DDB2: variants seen among roughly 807,000 people sequenced by gnomAD.
DDB2 encodes damage specific DNA binding protein 2.
DDB2 carries 27 observed loss-of-function variants against 50.5 expected under a neutral mutation model. That is an observed-to-expected ratio of 0.53 (90% CI 0.39 to 0.74). The LOEUF (loss-of-function observed/expected upper bound fraction) is 0.74. Ranked by LOEUF, DDB2 falls within the 30% of genes least tolerant of loss-of-function variation. The pLI is 0.00. For synonymous variants in DDB2, 176 were observed against 205.5 expected (o/e 0.86, Z 1.23); for missense variants, 424 against 545.6 (o/e 0.78, Z 2.22).
rs561846496 is a variant in DDB2, at chr11:47,215,123, A to AGAAG, written c.-14_-13insGAAG. On this transcript the variant is annotated 5_prime_UTR_variant, in exon 1 of 10. Coordinates refer to ENST00000256996, the MANE Select transcript of DDB2 (RefSeq NM_000107.3). ...TTCGCATAGAGCACAGTACCCCTTC[A>AGAAG]CACGGAGGACGCGATGGCTCCCAAG... 1.5e-4 allele frequency: 242 copies of AGAAG among 1,613,802 alleles called. No homozygotes were observed. The African/African-American group carries it at 3.0e-3, about 20-fold the overall frequency.
chr11:47,216,512 G>T, intron 2 of DDB2, 40 bp downstream of exon 2: 1 of 1,611,684 alleles, frequency 6.2e-7, no homozygotes, highest in South Asian at 1.1e-5. Flanking sequence ...GGGTTTACAC[G>T]TGCATTTTTA....
At chr11:47,222,914 T>C (rs1953506675) in intron 3 of DDB2, among the ~76,000 whole-genome samples, 1 of 152,352 alleles carries the variant, frequency 6.6e-6, no homozygotes, top group Admixed American at 6.5e-5. Flanking sequence ...CATTCTTTCA[T>C]GTGATCCAGA....
chr11:47,232,709 G>A, intron 3 of DDB2, 105 bp from the exon 4 acceptor site: 6 of 1,249,712 alleles, frequency 4.8e-6, no homozygotes, highest in Admixed American at 1.7e-5. Context: ...GGCCCCAAGC[G>A]CTGCTCGAGG....
intron 3 of DDB2, chr11:47,220,399 T>C (rs913249841): frequency 2.0e-5 from 3 of 152,222 alleles, no homozygotes; most frequent in Non-Finnish European, 2.9e-5. Context: ...GAATTTAGCT[T>C]ATGCCTGGAG....
Position 47,215,026 on chromosome 11 carries a change from C to T in DDB2, c.-111C>T. The T allele has an allele frequency of 3.9e-6, 6 of 1,540,160 alleles. No homozygotes were observed. Among genetic ancestry groups the T allele is most frequent in the African/African-American group, 1.4e-5 (1 of 73,478 alleles). ...GCGGGAAGTTGGCTTAGCTCGGCTA[C>T]CTGTGGCCCCGCAGTTTTGTAGTCC... is the stretch of plus-strand genomic sequence containing the variant. On this transcript the variant is annotated 5_prime_UTR_variant, in exon 1 of 10. Transcript: ENST00000256996.
intron 6 of DDB2, 160 bp from the exon 7 acceptor site, chr11:47,235,110 A>C: frequency 7.5e-7 from 1 of 1,325,314 alleles, no homozygotes; most frequent in South Asian, 1.2e-5. Flanking sequence ...GAGTTTCCAG[A>C]ATTTTTTTGT....
intron 3 of DDB2, among the ~76,000 whole-genome samples, chr11:47,230,132 TAA>T (rs751957606): frequency 2.9e-4 from 32 of 110,754 alleles, no homozygotes; most frequent in Admixed American, 2.9e-4. Flanking sequence ...ACCCTGTCTC[TAA>T]AAAAAAAAAA....
At position 47,238,128 on chromosome 11, in the gene DDB2, G is replaced by A; in HGVS notation, c.1189-10G>A. ...ACCCTCTCCTCATGTTGACACTCTT[G>A]TCTCTGCAGCTTAATGAATTCAATC... is the stretch of plus-strand genomic sequence containing the variant. On this transcript the variant is annotated splice_polypyrimidine_tract_variant and intron_variant, in intron 8 of 9. Coordinates refer to ENST00000256996, the MANE Select transcript of DDB2 (RefSeq NM_000107.3). 6.2e-7 allele frequency: 1 copy of A among 1,612,828 alleles called. No homozygotes were observed. The highest frequency in any genetic ancestry group is 8.5e-7 in the Non-Finnish European group (1 of 1,179,378).
intron 7 of DDB2, among the ~76,000 whole-genome samples, chr11:47,237,066 C>A (rs1953735424): frequency 6.6e-6 from 1 of 152,166 alleles, no homozygotes; most frequent in Admixed American, 6.5e-5. Context: ...GGGTTTCCTT[C>A]TCTTTTTTAG....
intron 1 of DDB2, 51 bp from the exon 2 acceptor site, chr11:47,216,285 A>C: frequency 6.2e-7 from 1 of 1,614,036 alleles, no homozygotes. Flanking sequence ...AATTCAGCAG[A>C]AAAACCTTTC....
chr11:47,218,774 G>T (rs1953436692), intron 3 of DDB2, among the ~76,000 whole-genome samples: 1 of 151,922 alleles, frequency 6.6e-6, no homozygotes, highest in African/African-American at 2.4e-5. Context: ...ATGGTGGTAG[G>T]GTCAGGGGTA....
intron 3 of DDB2, among the ~76,000 whole-genome samples, chr11:47,231,326 T>G (rs1381929786): frequency 6.6e-6 from 1 of 152,056 alleles, no homozygotes; most frequent in Non-Finnish European, 1.5e-5. Context: ...GAGCTGAAGC[T>G]CTTCTAAAGA....
intron 3 of DDB2, among the ~76,000 whole-genome samples, chr11:47,222,237 A>G (rs1228818838): frequency 6.6e-6 from 1 of 152,162 alleles, no homozygotes; most frequent in Non-Finnish European, 1.5e-5. Flanking sequence ...TTCTAGAACT[A>G]TATATAAATA....
intron 1 of DDB2, chr11:47,215,716 C>G (rs553704743): frequency 3.7e-6 from 1 of 267,948 alleles, no homozygotes; most frequent in African/African-American, 2.2e-5. Flanking sequence ...TCGAGACACT[C>G]AAAAACGAGC....
At chr11:47,214,755 A>G (rs1345839899), upstream of DDB2, 4 of 336,438 alleles carry the variant, frequency 1.2e-5, no homozygotes, top group Non-Finnish European at 2.3e-5. Context: ...TGAGCGACAG[A>G]GCCAGACCCT....
intron 3 of DDB2, among the ~76,000 whole-genome samples, chr11:47,225,419 C>T (rs1357685123): frequency 1.3e-5 from 2 of 151,508 alleles, no homozygotes; most frequent in South Asian, 2.1e-4. Flanking sequence ...GGTGAAACCC[C>T]GTCTCTACTA....
upstream of DDB2, chr11:47,214,895 G>A (rs1953376840): frequency 1.8e-6 from 1 of 570,950 alleles, no homozygotes; most frequent in Non-Finnish European, 3.1e-6. Context: ...ACCGCCCCTT[G>A]GCACCACCCC....
rs11537594 is a variant in DDB2 at position 47,216,912 on chromosome 11, G to T, written c.319G>T (p.Ala107Ser). ...TLDSYRILQK[A>S]APFDRRATSL... ...GGATTCTTACCGGATATTACAAAAG[G>T]CTGCCCCCTTTGACAGGAGGGCTAC... The change falls in exon 3 of 10, where the codon GCT becomes TCT. Residue 107 changes from alanine to serine, a missense_variant. Ala to Ser is a moderately conservative substitution (Grantham distance 99). Transcript: ENST00000256996. The T allele has an allele frequency of 6.2e-7, 1 of 1,614,072 alleles. No homozygotes were observed. The highest frequency in any genetic ancestry group is 1.7e-5 in the Admixed American group (1 of 59,992).
chr11:47,234,686 G>A lies in DDB2; in HGVS notation c.702+14G>A. ...GACGGCAAAGAGGTGCGTTCTCCGAGGTCCTGCCTTTCCCTCCCTCACCCC... is the reference window on the plus strand; with the variant it reads ...GACGGCAAAGAGGTGCGTTCTCCGAAGTCCTGCCTTTCCCTCCCTCACCCC... On this transcript the variant is annotated intron_variant, in intron 5 of 9. Transcript: ENST00000256996. 4 of 1,613,978 alleles carry A rather than the reference G, an allele frequency of 2.5e-6. No homozygotes were observed. Among genetic ancestry groups the A allele is most frequent in the Non-Finnish European group, 3.4e-6 (4 of 1,179,896 alleles).
Sources: gnomAD v4.1 joint callset for allele counts (sites outside exome capture counted in the v4.1 genomes callset) on GRCh38, gnomAD v4.1.1 for gene constraint, MANE v1.5 for transcripts, NCBI Gene and HGNC (gene_info 2026-07-23, HGNC 2026-07-21) for gene names.